PCMT1: variants seen among roughly 807,000 people sequenced by gnomAD.
PCMT1 encodes the protein protein-L-isoaspartate(D-aspartate) O-methyltransferase.
In PCMT1, 9 loss-of-function variants were observed where a neutral mutation model predicts 29.2. The ratio of observed to expected loss-of-function variants is 0.31; its 90% CI spans 0.19 to 0.54. The LOEUF is 0.54. PCMT1 is among the 20% of genes least tolerant of loss of function. The probability of loss-of-function intolerance (pLI) is 0.95; values close to 1 mark genes in which losing one functional copy is unlikely to be tolerated. For synonymous variants in PCMT1, 98 were observed against 97.5 expected (o/e 1.00, Z -0.03); for missense variants, 184 against 282.2 (o/e 0.65, Z 2.49).
At chr6:149,809,284 CAAAACAAGA>C (rs1776099654) in intron 7 of PCMT1, among the ~76,000 whole-genome samples, 1 of 104,254 alleles carries the variant, frequency 9.6e-6, no homozygotes, top group African/African-American at 4.0e-5. Context: ...AAAAAAAAGC[CAAAACAAGA>C]AAAACAATAT....
intron 1 of PCMT1, among the ~76,000 whole-genome samples, chr6:149,765,241 TC>T (rs1787031288): frequency 1.4e-5 from 2 of 147,944 alleles, no homozygotes; most frequent in South Asian, 4.3e-4. Flanking sequence ...GTGCCTGTAG[TC>T]CCAGCTACTC....
intron 7 of PCMT1, among the ~76,000 whole-genome samples, chr6:149,804,151 T>C (rs2115344442): frequency 6.6e-6 from 1 of 151,516 alleles, no homozygotes; most frequent in Middle Eastern, 3.4e-3. Flanking sequence ...TGGAATCAGA[T>C]GTAGTTATTA....
At chr6:149,777,812 TTC>T (rs1787633030) in intron 3 of PCMT1, among the ~76,000 whole-genome samples, 2 of 151,890 alleles carry the variant, frequency 1.3e-5, no homozygotes, top group Non-Finnish European at 2.9e-5. Flanking sequence ...TCTTTGTCCT[TTC>T]TCTTTCTTTT....
intron 6 of PCMT1, chr6:149,796,930 T>C (rs1807815): frequency 0.61 from 93,908 of 152,800 alleles, 31,568 homozygotes; most frequent in African/African-American, 0.87. Context: ...TCTCCTGCCT[T>C]AGCCTCCCGA....
chr6:149,785,478 G>C (rs1787993589), intron 3 of PCMT1, among the ~76,000 whole-genome samples: 1 of 150,852 alleles, frequency 6.6e-6, no homozygotes, highest in Admixed American at 6.6e-5. Context: ...AGGGTCATAG[G>C]ACAATAGTGG....
chr6:149,811,335 C>G lies in PCMT1; in HGVS notation c.*757C>G, dbSNP rs1341245260. 6.6e-6 allele frequency: 1 copy of G among 152,648 alleles called. No homozygotes were observed. The highest frequency in any genetic ancestry group is 1.9e-4 in the East Asian group (1 of 5,202). The allele number at this position is 152,648 out of a possible 1,614,324, so 9.5% of individuals were successfully genotyped here. ...ATTTGCTGCTGATAATGTATATGAA[C>G]TTAACATGCTGTGTAAGCTGTGTCC... On this transcript the variant is annotated 3_prime_UTR_variant, in exon 8 of 8. Transcript: ENST00000464889.
intron 5 of PCMT1, among the ~76,000 whole-genome samples, chr6:149,793,960 T>C (rs898848077): frequency 1.3e-5 from 2 of 152,208 alleles, no homozygotes; most frequent in East Asian, 3.8e-4. Context: ...ATTGGATTGC[T>C]TGTATTTTTG....
At chr6:149,803,052 C>CCAAAA (rs1468345190) in intron 7 of PCMT1, among the ~76,000 whole-genome samples, 1 of 70,570 alleles carries the variant, frequency 1.4e-5, no homozygotes, top group Non-Finnish European at 2.8e-5. Context: ...GGCTCTGTCT[C>CCAAAA]AAAAAAAAAA....
At position 149,758,334 on chromosome 6, in the gene PCMT1, C is replaced by T. The variant is rs1786600868; in HGVS notation, c.55+8378C>T. Among the ~76,000 whole-genome samples the T allele has an allele frequency of 1.3e-5, 2 of 151,194 alleles. 1 individual carries two copies. Among genetic ancestry groups the T allele is most frequent in the South Asian group, 4.2e-4 (2 of 4,778 alleles). ...CAAGCAATTCTCCTGCCTCAGCCTCCTGAGTAGCTAGGATTACAGGCATAT... is the reference window on the plus strand; with the variant it reads ...CAAGCAATTCTCCTGCCTCAGCCTCTTGAGTAGCTAGGATTACAGGCATAT... On this transcript the variant is annotated intron_variant, in intron 1 of 7. Transcript: ENST00000464889.
At position 149,802,433 on chromosome 6, in the gene PCMT1, T is replaced by C; in HGVS notation, c.*37+17T>C. 6.6e-7 allele frequency: 1 copy of C among 1,518,786 alleles called. No homozygotes were observed. The highest frequency in any genetic ancestry group is 1.3e-5 in the South Asian group (1 of 75,792). The allele number at this position is 1,518,786 out of a possible 1,614,324, so 94.1% of individuals were successfully genotyped here. A position where few individuals can be genotyped will look rare whatever the true frequency, so the allele number is the denominator to read the frequency against. On this transcript the variant is annotated intron_variant, in intron 7 of 7. Transcript: ENST00000464889. ...ACATGCAAGGTGAAAGGGTGTGGAT[T>C]TTAAGACATTAGACTACAAGAGCTG...
chr6:149,753,197 C>T (rs187437911), intron 1 of PCMT1, among the ~76,000 whole-genome samples: 3 of 152,154 alleles, frequency 2.0e-5, no homozygotes, highest in African/African-American at 7.2e-5. Flanking sequence ...CTTCCTTCCT[C>T]ATTATTCTAC....
chr6:149,785,303 C>T, intron 3 of PCMT1, among the ~76,000 whole-genome samples: 1 of 124,642 alleles, frequency 8.0e-6, no homozygotes. Flanking sequence ...TTTAATTGTT[C>T]CATGGAATAG....
intron 1 of PCMT1, chr6:149,765,700 C>G (rs1787050518): frequency 2.8e-6 from 1 of 356,202 alleles, no homozygotes; most frequent in Admixed American, 3.8e-5. Flanking sequence ...GGCATGATGG[C>G]TCATACCTGT....
intron 5 of PCMT1, chr6:149,795,496 C>T: frequency 1.5e-5 from 6 of 409,114 alleles, no homozygotes; most frequent in South Asian, 2.2e-5. Context: ...TAGACCCATC[C>T]GTTTCTACTG....
rs777409467 is a variant in PCMT1, at chr6:149,802,392, CTCTT to C, written c.*18_*21del. The C allele has an allele frequency of 7.5e-6, 12 of 1,594,888 alleles. No homozygotes were observed. The South Asian group carries it at 1.0e-4, about 13-fold the overall frequency. On this transcript the variant is annotated 3_prime_UTR_variant, in exon 7 of 8. Coordinates refer to ENST00000464889, the MANE Select transcript of PCMT1 (RefSeq NM_001360452.2). ...CAGGTGGAAGTGATTTTATCTTCTG[CTCTT>C]TCTTCTTCCACACATGCAAGGTGAA...
intron 7 of PCMT1, among the ~76,000 whole-genome samples, chr6:149,805,347 A>T (rs1009316970): frequency 2.0e-5 from 3 of 152,180 alleles, no homozygotes; most frequent in African/African-American, 7.2e-5. Flanking sequence ...TAATCCCAGC[A>T]CTTTGGGAGG....
At chr6:149,802,157 T>C (rs780803212) in intron 6 of PCMT1, 43 bp from the exon 7 acceptor site, 1 of 1,337,194 alleles carries the variant, frequency 7.5e-7, no homozygotes, top group Non-Finnish European at 1.0e-6. Flanking sequence ...TAAAATAAAA[T>C]CTGTAACTTG....
At chr6:149,791,488 CA>C (rs1788372225) in intron 4 of PCMT1, among the ~76,000 whole-genome samples, 1 of 152,158 alleles carries the variant, frequency 6.6e-6, no homozygotes, top group Non-Finnish European at 1.5e-5. Flanking sequence ...GCCTGGAGGA[CA>C]GATTGGAATA....
chr6:149,787,046 G>A (rs1338030072), intron 3 of PCMT1, among the ~76,000 whole-genome samples: 2 of 132,044 alleles, frequency 1.5e-5, no homozygotes, highest in Non-Finnish European at 3.1e-5. Flanking sequence ...GGAGGCCGAG[G>A]CTGGTGGATC....
Sources: allele counts gnomAD v4.1 joint callset (sites outside exome capture counted in the v4.1 genomes callset), GRCh38; gene constraint gnomAD v4.1.1; transcripts MANE v1.5; gene names NCBI Gene and HGNC (gene_info 2026-07-23, HGNC 2026-07-21).